TCF20: variants seen among roughly 807,000 people sequenced by gnomAD.
TCF20 encodes transcription factor 20.
In TCF20, 3 loss-of-function variants were observed where a neutral mutation model predicts 148.6. The ratio of observed to expected loss-of-function variants is 0.02; its 90% CI spans 0.01 to 0.05. TCF20 has a LOEUF of 0.05. Ranked by LOEUF, TCF20 falls within the 10% of genes least tolerant of loss-of-function variation. The probability of loss-of-function intolerance (pLI) is 1.00; values close to 1 mark genes in which losing one functional copy is unlikely to be tolerated. For synonymous variants in TCF20, 1,049 were observed against 909.5 expected (o/e 1.15, Z -2.76); for missense variants, 2,350 against 2,429.3 (o/e 0.97, Z 0.69).
At chr22:42,218,622 T>C (rs995682395) in intron 1 of TCF20, among the ~76,000 whole-genome samples, 2 of 152,204 alleles carry the variant, frequency 1.3e-5, no homozygotes, top group African/African-American at 4.8e-5. Context: ...TACATGTTGT[T>C]TAATTAATCC....
chr22:42,309,772 G>A (rs1026632805), intron 1 of TCF20, among the ~76,000 whole-genome samples: 7 of 152,166 alleles, frequency 4.6e-5, no homozygotes, highest in South Asian at 2.1e-4. Context: ...GCTGCCAGTC[G>A]TCACCTCTCT....
intron 2 of TCF20, among the ~76,000 whole-genome samples, chr22:42,202,585 T>C (rs1461858556): frequency 6.6e-6 from 1 of 152,236 alleles, no homozygotes; most frequent in Non-Finnish European, 1.5e-5. Flanking sequence ...GGCAAGTGTT[T>C]AGCTGCCTTG....
chr22:42,235,692 C>T (rs948480905), intron 1 of TCF20, among the ~76,000 whole-genome samples: 7 of 152,156 alleles, frequency 4.6e-5, no homozygotes, highest in African/African-American at 1.7e-4. Context: ...CCTAGTCTTG[C>T]CACTTGTTCT....
In TCF20 at chr22:42,213,982, C is replaced by T. The variant is rs374935449; in HGVS notation, c.1324G>A (p.Gly442Arg). 5 of 1,614,202 alleles carry T rather than the reference C, an allele frequency of 3.1e-6. No individual in the cohort carries two copies. Among genetic ancestry groups the T allele is most frequent in the African/African-American group, 2.7e-5 (2 of 75,044 alleles). The change falls in exon 2 of 6, where the codon GGG becomes AGG. Residue 442 changes from glycine (G) to arginine (R), a missense_variant. Gly to Arg is a moderately radical substitution (Grantham distance 125, BLOSUM62 -2). This residue lies in a region of TCF20 where 1,641 missense variants were observed against 1,662.6 expected (regional missense o/e 0.99). Coordinates refer to ENST00000677622, the MANE Select transcript of TCF20 (RefSeq NM_001378418.1). ...AAGFKGFGLEGVPEKRLTDPG... is the reference protein window; with the variant it reads ...AAGFKGFGLERVPEKRLTDPG... The stretch of plus-strand genomic sequence containing the variant: ...TCTGTCAGTCGCTTTTCTGGTACCC[C>T]TTCTAGTCCAAACCCTTTGAAGCCT...
At chr22:42,334,794 T>C (rs1332883559) in intron 1 of TCF20, among the ~76,000 whole-genome samples, 1 of 152,060 alleles carries the variant, frequency 6.6e-6, no homozygotes, top group Non-Finnish European at 1.5e-5. Flanking sequence ...CAGCCTAGTC[T>C]AAGTGGGGAA....
chr22:42,225,620 CAAAA>C (rs57952215), intron 1 of TCF20, among the ~76,000 whole-genome samples: 3 of 74,800 alleles, frequency 4.0e-5, no homozygotes, highest in Admixed American at 3.2e-4. Context: ...GACTCCGTCT[CAAAA>C]AAAAAAAAAA....
chr22:42,170,007 T>C (rs1936025604), intron 3 of TCF20, 111 bp from the exon 4 acceptor site: 1 of 992,638 alleles, frequency 1.0e-6, no homozygotes, highest in East Asian at 2.4e-5. Context: ...TCGCTACACT[T>C]ACTTCTAATA....
At chr22:42,272,437 C>T (rs1281083630), upstream of TCF20, among the ~76,000 whole-genome samples, 1 of 152,216 alleles carries the variant, frequency 6.6e-6, no homozygotes, top group Non-Finnish European at 1.5e-5. Flanking sequence ...GTCCCCTGCC[C>T]CATCATTCTT....
intron 2 of TCF20, among the ~76,000 whole-genome samples, chr22:42,189,507 C>A (rs1937218412): frequency 6.6e-6 from 1 of 152,192 alleles, no homozygotes; most frequent in Non-Finnish European, 1.5e-5. Context: ...CTACGAGAAA[C>A]CTTTTATAGA....
chr22:42,257,607 T>G (rs556696289), intron 1 of TCF20, among the ~76,000 whole-genome samples: 1 of 152,332 alleles, frequency 6.6e-6, no homozygotes, highest in South Asian at 2.1e-4. Flanking sequence ...GATGGGGCTA[T>G]AAAAGCAAAA....
Position 42,213,678 on chromosome 22 carries a change from C to T in TCF20, c.1628G>A (p.Ser543Asn), listed in dbSNP as rs1214991116. The T allele has an allele frequency of 6.2e-7, 1 of 1,614,056 alleles. No individual in the cohort carries two copies. The highest frequency in any genetic ancestry group is 8.5e-7 in the Non-Finnish European group (1 of 1,179,946). Residue 543 changes from serine (S) to asparagine (N), a missense_variant, in exon 2 of 6, where the codon AGC (serine) becomes AAC (asparagine). Coordinates refer to ENST00000677622, the MANE Select transcript of TCF20 (RefSeq NM_001378418.1). ...TCCACCCTTGTAGGTGGTGTCAGAG[C>T]TGGTGCTCTGGCCACTTAGTTGCCG... The part of the protein sequence containing the change: ...RVRQLSGQST[S>N]SDTTYKGGAS...
Position 42,211,458 on chromosome 22 carries a change from C to A in TCF20, c.3848G>T (p.Arg1283Leu). The A allele has an allele frequency of 1.2e-6, 2 of 1,614,138 alleles. No individual in the cohort carries two copies. The highest frequency in any genetic ancestry group is 1.7e-6 in the Non-Finnish European group (2 of 1,180,042). Residue 1283 changes from arginine to leucine, a missense_variant, in exon 2 of 6, where the codon CGC (arginine) becomes CTC (leucine). This residue lies in a region of TCF20 where 1,641 missense variants were observed against 1,662.6 expected (regional missense o/e 0.99). Transcript: ENST00000677622. ...VKNSSTEDKG[R>L]LLHSSKEGAD... The stretch of plus-strand genomic sequence containing the variant: ...GCCTTCTTTTGATGAGTGAAGGAGG[C>A]GACCTTTATCTTCAGTGCTACTGTT...
intron 1 of TCF20, among the ~76,000 whole-genome samples, chr22:42,267,575 C>A (rs549900855): frequency 3.2e-4 from 48 of 152,084 alleles, no homozygotes; most frequent in African/African-American, 1.1e-3. Context: ...GTGGTGCGCA[C>A]CTGTAGTCCC....
At chr22:42,315,613 C>T (rs1359280465) in intron 1 of TCF20, among the ~76,000 whole-genome samples, 1 of 152,142 alleles carries the variant, frequency 6.6e-6, no homozygotes, top group African/African-American at 2.4e-5. Flanking sequence ...AAGCTGGTGG[C>T]TTCAGGAAGG....
chr22:42,269,424 T>A (rs903133780), intron 1 of TCF20, among the ~76,000 whole-genome samples: 4 of 151,566 alleles, frequency 2.6e-5, no homozygotes, highest in Non-Finnish European at 5.9e-5. Flanking sequence ...CAGACAATAA[T>A]CCCACCCACA....
chr22:42,217,353 C>T (rs1246178235), intron 1 of TCF20, among the ~76,000 whole-genome samples: 1 of 152,192 alleles, frequency 6.6e-6, no homozygotes, highest in Non-Finnish European at 1.5e-5. Flanking sequence ...GCAAGTGTCA[C>T]TCATTCCCTG....
upstream of TCF20, among the ~76,000 whole-genome samples, chr22:42,287,057 G>A (rs573432524): frequency 1.1e-4 from 17 of 152,148 alleles, no homozygotes; most frequent in East Asian, 3.3e-3. Context: ...GATCAGGATG[G>A]CTGGGGGGAA....
At chr22:42,208,871 TAG>T (rs747634760) in intron 2 of TCF20, among the ~76,000 whole-genome samples, 7 of 152,224 alleles carry the variant, frequency 4.6e-5, no homozygotes, top group Non-Finnish European at 1.0e-4. Context: ...TAAGATCTCA[TAG>T]AGTAGCCAAC....
rs1294301572 is a variant in TCF20, at chr22:42,342,835, G to A, written c.-37+644C>T. Reference sequence around the variant, plus strand: ...CTACCAGGTCTCATCTAATCCCCTCGGGCACCGTGGGGGTGTCTCCTTTTC... The same window carrying A: ...CTACCAGGTCTCATCTAATCCCCTCAGGCACCGTGGGGGTGTCTCCTTTTC... On this transcript the variant is annotated intron_variant, in intron 1 of 1. Coordinates refer to the TCF20 transcript ENST00000515426. Among the ~76,000 whole-genome samples, 10 of 152,180 alleles carry A rather than the reference G, an allele frequency of 6.6e-5. No individual in the cohort carries two copies. The East Asian group carries it at 9.7e-4, about 15-fold the overall frequency.
Sources: gnomAD v4.1 joint callset for allele counts (sites outside exome capture counted in the v4.1 genomes callset) on GRCh38, gnomAD v4.1.1 for gene constraint, gnomAD v4.1.1 regional missense constraint, MANE v1.5 for transcripts, NCBI Gene and HGNC (gene_info 2026-07-23, HGNC 2026-07-21) for gene names.